The following TMTC2 variants were observed in gnomAD, a reference collection of about 807,000 sequenced individuals.
The protein encoded by TMTC2 is protein O-mannosyl-transferase TMTC2.
Under a neutral mutation model 82.4 loss-of-function variants are expected in TMTC2, and 43 were observed. The ratio of observed to expected loss-of-function variants is 0.52; its 90% CI spans 0.41 to 0.67. The LOEUF (loss-of-function observed/expected upper bound fraction) is 0.67. TMTC2 is among the 30% of genes least tolerant of loss of function. TMTC2 has a pLI of 0.00. For synonymous variants in TMTC2, 408 were observed against 381.9 expected, an observed-to-expected ratio of 1.07 and a Z score of -0.80; for missense variants, 919 against 1,012.4, an observed-to-expected ratio of 0.91 and a Z score of 1.25.
At chr12:82,819,750 G>A (rs1868975776) in intron 1 of TMTC2, among the ~76,000 whole-genome samples, 1 of 151,980 alleles carries the variant, frequency 6.6e-6, no homozygotes, top group African/African-American at 2.4e-5. Flanking sequence ...TGATTCACCT[G>A]CCTCGGCTTC....
At chr12:82,983,848 A>T (rs977365919) in intron 7 of TMTC2, among the ~76,000 whole-genome samples, 1 of 151,962 alleles carries the variant, frequency 6.6e-6, no homozygotes, top group African/African-American at 2.4e-5. Flanking sequence ...ATTGTTCAGT[A>T]TTTTAGGGCT....
rs921447212 is a variant in TMTC2 at position 83,132,855 on chromosome 12, T to A, written c.*466T>A. ...AGTCCCAGTGAGCCGCCGGTTGTCC[T>A]AACGCTGCTGTCTTCCCTGTTTGGG... is the stretch of plus-strand genomic sequence containing the variant. On this transcript the variant is annotated 3_prime_UTR_variant, in exon 12 of 12. Coordinates refer to ENST00000321196, the MANE Select transcript of TMTC2 (RefSeq NM_152588.3). 6.4e-6 allele frequency: 1 copy of A among 157,432 alleles called. No homozygotes were observed. The highest frequency in any genetic ancestry group is 2.4e-5 in the African/African-American group (1 of 41,490). The allele number at this position is 157,432 out of a possible 1,614,324, so 9.8% of individuals were successfully genotyped here. A position where few individuals can be genotyped will look rare whatever the true frequency, so the allele number is the denominator to read the frequency against.
At chr12:83,048,477 A>T (rs1882221980) in intron 9 of TMTC2, among the ~76,000 whole-genome samples, 1 of 152,234 alleles carries the variant, frequency 6.6e-6, no homozygotes, top group Non-Finnish European at 1.5e-5. Context: ...ACAGAATGTT[A>T]GGCGACAAAC....
At chr12:82,729,641 C>A (rs1468482394) in intron 1 of TMTC2, among the ~76,000 whole-genome samples, 1 of 152,182 alleles carries the variant, frequency 6.6e-6, no homozygotes, top group African/African-American at 2.4e-5. Flanking sequence ...GACCAATCAG[C>A]TCTCTGTAAA....
intron 1 of TMTC2, among the ~76,000 whole-genome samples, chr12:82,746,157 C>A (rs193229706): frequency 3.9e-4 from 59 of 152,330 alleles, no homozygotes; most frequent in African/African-American, 1.4e-3. Flanking sequence ...ATAGCTGTTA[C>A]TGGACACTAG....
intron 1 of TMTC2, among the ~76,000 whole-genome samples, chr12:82,789,286 AAG>A (rs1436851305): frequency 1.3e-5 from 2 of 152,142 alleles, no homozygotes; most frequent in East Asian, 3.8e-4. Flanking sequence ...CAGGGGAAAA[AAG>A]AGAATTGCAA....
At chr12:82,929,351 C>T (rs1875899429) in intron 3 of TMTC2, among the ~76,000 whole-genome samples, 1 of 152,046 alleles carries the variant, frequency 6.6e-6, no homozygotes, top group Admixed American at 6.6e-5. Context: ...GCCATTGTGC[C>T]CAGCCTCAGA....
At chr12:82,936,054 GAA>G (rs1326176814) in intron 4 of TMTC2, among the ~76,000 whole-genome samples, 3 of 151,878 alleles carry the variant, frequency 2.0e-5, no homozygotes, top group South Asian at 4.2e-4. Flanking sequence ...TTAAGACTGA[GAA>G]AAGTTATAAC....
chr12:83,053,211 G>A (rs773306075), intron 10 of TMTC2, among the ~76,000 whole-genome samples: 4 of 151,978 alleles, frequency 2.6e-5, no homozygotes, highest in Non-Finnish European at 5.9e-5. Flanking sequence ...TTTCTCCTGG[G>A]GGTGATGCCA....
At chr12:82,734,008 G>T (rs1025707015) in intron 1 of TMTC2, among the ~76,000 whole-genome samples, 71 of 152,100 alleles carry the variant, frequency 4.7e-4, no homozygotes, top group African/African-American at 1.7e-3. Flanking sequence ...CTTTATTGAA[G>T]AACTAGTATG....
At chr12:82,861,327 G>A (rs748492654) in intron 2 of TMTC2, among the ~76,000 whole-genome samples, 19 of 152,142 alleles carry the variant, frequency 1.2e-4, no homozygotes, top group Non-Finnish European at 1.3e-4. Flanking sequence ...TTCTACATCC[G>A]GATGTAGTGA....
At chr12:82,937,919 T>TA (rs1555199263) in intron 4 of TMTC2, among the ~76,000 whole-genome samples, 8 of 36,068 alleles carry the variant, frequency 2.2e-4, no homozygotes, top group Admixed American at 8.0e-4. Context: ...TTTTTTTTTT[T>TA]TTATTTTTTT....
chr12:82,972,541 G>C (rs1878495234), intron 7 of TMTC2, among the ~76,000 whole-genome samples: 1 of 152,070 alleles, frequency 6.6e-6, no homozygotes, highest in African/African-American at 2.4e-5. Flanking sequence ...CAATGAATAG[G>C]AAACAAAAAT....
intron 8 of TMTC2, among the ~76,000 whole-genome samples, chr12:83,006,913 C>T (rs1368805578): frequency 1.3e-5 from 2 of 151,840 alleles, no homozygotes; most frequent in African/African-American, 4.8e-5. Flanking sequence ...AATGAGAACA[C>T]TTGGACACAG....
intron 3 of TMTC2, among the ~76,000 whole-genome samples, chr12:82,924,155 G>C (rs1053901993): frequency 6.6e-6 from 1 of 152,208 alleles, no homozygotes; most frequent in Non-Finnish European, 1.5e-5. Context: ...TGAAGTAAAA[G>C]TTGGCTTAAC....
chr12:83,093,268 A>T lies in TMTC2; in HGVS notation c.2331+31437A>T, dbSNP rs79291387. On this transcript the variant is annotated intron_variant, in intron 11 of 11. Transcript: ENST00000321196. ...AGCAATATTTCTTGTCACCAAGTCTATAAAGTAGTATTTAAAAATTACATT... is the reference window on the plus strand; with the variant it reads ...AGCAATATTTCTTGTCACCAAGTCTTTAAAGTAGTATTTAAAAATTACATT... Among the ~76,000 whole-genome samples, 1,132 of 152,348 alleles carry T rather than the reference A, an allele frequency of 7.4e-3. 10 individuals are homozygous for T. Among genetic ancestry groups the T allele is most frequent in the African/African-American group, 0.025 (1,060 of 41,580 alleles).
At chr12:82,794,212 G>T (rs2137026691) in intron 1 of TMTC2, among the ~76,000 whole-genome samples, 1 of 152,232 alleles carries the variant, frequency 6.6e-6, no homozygotes, top group East Asian at 1.9e-4. Context: ...AGCTAGTGTT[G>T]ACTCCTGGGG....
At chr12:83,045,881 C>G (rs952306059) in intron 9 of TMTC2, among the ~76,000 whole-genome samples, 2 of 152,066 alleles carry the variant, frequency 1.3e-5, no homozygotes, top group Non-Finnish European at 2.9e-5. Context: ...GAAAGTGATG[C>G]TCAGCACCTT....
At chr12:82,937,279 T>A (rs1876368441) in intron 4 of TMTC2, among the ~76,000 whole-genome samples, 1 of 152,186 alleles carries the variant, frequency 6.6e-6, no homozygotes, top group Admixed American at 6.5e-5. Context: ...AATCCTTCCT[T>A]GCCTTTTTTT....
Sources: allele counts gnomAD v4.1 joint callset (sites outside exome capture counted in the v4.1 genomes callset), GRCh38; gene constraint gnomAD v4.1.1; transcripts MANE v1.5; gene names NCBI Gene and HGNC (gene_info 2026-07-23, HGNC 2026-07-21).